Variants in VTI1A observed in about 807,000 individuals in gnomAD.
VTI1A encodes the protein vesicle transport through interaction with t-SNAREs homolog 1A.
Under a neutral mutation model 34.9 loss-of-function variants are expected in VTI1A, and 22 were observed. That is an observed-to-expected ratio of 0.63 (90% CI 0.45 to 0.90). VTI1A has a LOEUF of 0.90. Among genes scored for constraint, VTI1A ranks in the 40% least tolerant of loss-of-function variants. The pLI is 0.00. For missense variants in VTI1A, 268 were observed against 275.6 expected, an observed-to-expected ratio of 0.97 and a Z score of 0.20; for synonymous variants, 87 against 97.3, an observed-to-expected ratio of 0.89 and a Z score of 0.62.
At chr10:112,579,029 TC>T (rs1843818670) in intron 5 of VTI1A, among the ~76,000 whole-genome samples, 1 of 152,204 alleles carries the variant, frequency 6.6e-6, no homozygotes, top group African/African-American at 2.4e-5. Context: ...AGTTTAATTG[TC>T]ATCTGAAAAA....
intron 7 of VTI1A, among the ~76,000 whole-genome samples, chr10:112,710,169 C>T (rs1228153950): frequency 2.0e-5 from 3 of 150,086 alleles, no homozygotes; most frequent in Non-Finnish European, 3.0e-5. Flanking sequence ...GATTTTTAAA[C>T]CTCTGATTTG....
At chr10:112,576,373 T>A (rs1257458711) in intron 5 of VTI1A, among the ~76,000 whole-genome samples, 2 of 152,228 alleles carry the variant, frequency 1.3e-5, no homozygotes, top group African/African-American at 4.8e-5. Flanking sequence ...TTTGCTGTTT[T>A]AGCATGCATT....
At chr10:112,640,265 G>A (rs1383585939) in intron 5 of VTI1A, among the ~76,000 whole-genome samples, 1 of 152,056 alleles carries the variant, frequency 6.6e-6, no homozygotes, top group East Asian at 1.9e-4. Context: ...ATCTATCAAT[G>A]CCATTAAAAT....
intron 3 of VTI1A, among the ~76,000 whole-genome samples, chr10:112,494,767 G>A (rs1373590601): frequency 1.3e-5 from 2 of 152,212 alleles, no homozygotes; most frequent in Non-Finnish European, 2.9e-5. Flanking sequence ...ACCTGCCTCA[G>A]CCTCCCAAGG....
chr10:112,462,371 G>T (rs980964194), intron 2 of VTI1A, among the ~76,000 whole-genome samples: 1 of 152,156 alleles, frequency 6.6e-6, no homozygotes, highest in African/African-American at 2.4e-5. Flanking sequence ...AGTGCTTGTT[G>T]TGTGTTTCCT....
intron 7 of VTI1A, among the ~76,000 whole-genome samples, chr10:112,750,157 C>T (rs6585183): frequency 0.04 from 6,082 of 151,752 alleles, 421 homozygotes; most frequent in African/African-American, 0.14. Context: ...TGGGGAGAAA[C>T]AAAGAGACTG....
At chr10:112,839,398 A>C in the VTI1A span, among the ~76,000 whole-genome samples, 4 of 152,146 alleles carry the variant, frequency 2.6e-5, no homozygotes, top group Admixed American at 6.5e-5. Flanking sequence ...AATGCTGAGG[A>C]ACCCGGTGGG....
At chr10:112,794,978 G>T (rs894402962) in intron 7 of VTI1A, among the ~76,000 whole-genome samples, 1 of 152,098 alleles carries the variant, frequency 6.6e-6, no homozygotes, top group African/African-American at 2.4e-5. Flanking sequence ...AGGACATTGC[G>T]TTTTCTCTTC....
intron 2 of VTI1A, among the ~76,000 whole-genome samples, chr10:112,464,345 A>C (rs1329376387): frequency 6.6e-6 from 1 of 152,242 alleles, no homozygotes; most frequent in Non-Finnish European, 1.5e-5. Context: ...AGTGTGTGTC[A>C]CTTGGCAAGT....
At position 112,475,593 on chromosome 10, in the gene VTI1A, TTATATATGTATA is replaced by T. The variant is rs376968921; in HGVS notation, c.264+10939_264+10950del. On this transcript the variant is annotated intron_variant, in intron 3 of 7. Coordinates refer to ENST00000393077, the MANE Select transcript of VTI1A (RefSeq NM_145206.4). ...TTTCCAGAAACAGTGCTAACATGCT[TTATATATGTATA>T]TAGTTTATTGGTTTTAATACAGTTG... Among the ~76,000 whole-genome samples the T allele has an allele frequency of 2.0e-3, 306 of 152,352 alleles. 3 individuals carry two copies. Among genetic ancestry groups the T allele is most frequent in the Middle Eastern group, 0.01 (3 of 294 alleles).
chr10:112,510,273 C>G (rs2134177037), intron 3 of VTI1A, among the ~76,000 whole-genome samples: 1 of 152,268 alleles, frequency 6.6e-6, no homozygotes, highest in Non-Finnish European at 1.5e-5. Context: ...GTATAAACAT[C>G]AATCTGGCAT....
intron 7 of VTI1A, among the ~76,000 whole-genome samples, chr10:112,772,412 C>A (rs191914662): frequency 1.3e-5 from 2 of 151,830 alleles, no homozygotes; most frequent in Non-Finnish European, 1.5e-5. Context: ...TTTATTAGTA[C>A]GTTGTAAGAG....
chr10:112,723,939 T>G (rs1000689593), intron 7 of VTI1A, among the ~76,000 whole-genome samples: 1 of 152,202 alleles, frequency 6.6e-6, no homozygotes, highest in African/African-American at 2.4e-5. Flanking sequence ...TTGTGGACAC[T>G]GGTGGAATAT....
intron 7 of VTI1A, among the ~76,000 whole-genome samples, chr10:112,673,364 A>G (rs989677418): frequency 1.3e-5 from 2 of 151,922 alleles, no homozygotes; most frequent in African/African-American, 4.8e-5. Context: ...AATGGCATAG[A>G]TGATTAACAC....
Position 112,483,377 on chromosome 10 carries a change from T to C in VTI1A, c.264+18720T>C, listed in dbSNP as rs571187089. Among the ~76,000 whole-genome samples the C allele has an allele frequency of 1.3e-4, 20 of 152,334 alleles. 1 individual carries two copies. The highest frequency in any genetic ancestry group is 4.6e-4 in the African/African-American group (19 of 41,578). ...GAATATTAACCCAATTTTATTTTTG[T>C]AGTCCATGGCATAAACTCGAGTGTC... On this transcript the variant is annotated intron_variant, in intron 3 of 7. Coordinates refer to ENST00000393077, the MANE Select transcript of VTI1A (RefSeq NM_145206.4).
intron 7 of VTI1A, among the ~76,000 whole-genome samples, chr10:112,715,550 CCTT>C (rs1398128488): frequency 1.3e-5 from 2 of 151,998 alleles, no homozygotes; most frequent in African/African-American, 4.8e-5. Context: ...GAGGTGGAAA[CCTT>C]CTTGTTCATA....
At chr10:112,741,794 C>CT (rs973674885) in intron 7 of VTI1A, among the ~76,000 whole-genome samples, 5 of 152,028 alleles carry the variant, frequency 3.3e-5, no homozygotes, top group South Asian at 4.2e-4. Context: ...TAGCTTATAT[C>CT]TTTTTTTTCT....
chr10:112,699,269 G>A (rs146051429), intron 7 of VTI1A, among the ~76,000 whole-genome samples: 44 of 152,276 alleles, frequency 2.9e-4, no homozygotes, highest in African/African-American at 5.3e-4. Flanking sequence ...TTCCACAGAC[G>A]GTGTGGCTTA....
the VTI1A span, among the ~76,000 whole-genome samples, chr10:112,851,745 C>T: frequency 5.3e-5 from 8 of 151,998 alleles, no homozygotes; most frequent in Non-Finnish European, 8.8e-5. Context: ...ACTAGGGAGA[C>T]GCATTTGAAC....
Sources: allele counts gnomAD v4.1 joint callset (sites outside exome capture counted in the v4.1 genomes callset), GRCh38; gene constraint gnomAD v4.1.1; transcripts MANE v1.5; gene names NCBI Gene and HGNC (gene_info 2026-07-23, HGNC 2026-07-21).